RABGAP1L: variants seen among roughly 807,000 people sequenced by gnomAD.
RABGAP1L encodes rab GTPase-activating protein 1-like.
RABGAP1L carries 63 observed loss-of-function variants against 137.7 expected under a neutral mutation model. The ratio of observed to expected loss-of-function variants is 0.46; its 90% CI spans 0.37 to 0.56. The LOEUF is 0.56. Ranked by LOEUF, RABGAP1L falls within the 20% of genes least tolerant of loss-of-function variation. RABGAP1L has a pLI of 0.00. For synonymous variants in RABGAP1L, 431 were observed against 433.7 expected, an observed-to-expected ratio of 0.99 and a Z score of 0.08; for missense variants, 1,095 against 1,244.0, an observed-to-expected ratio of 0.88 and a Z score of 1.80.
chr1:174,910,987 A>T (rs549812785), intron 19 of RABGAP1L, among the ~76,000 whole-genome samples: 4 of 152,136 alleles, frequency 2.6e-5, no homozygotes. Context: ...GATTCTAGCC[A>T]TCCTAGTTTG....
intron 18 of RABGAP1L, among the ~76,000 whole-genome samples, chr1:174,756,648 A>G (rs1041486605): frequency 4.6e-5 from 7 of 152,100 alleles, no homozygotes; most frequent in Non-Finnish European, 1.0e-4. Context: ...GTAGCAGGGG[A>G]AAAAGGAAGG....
chr1:174,920,682 C>T (rs1396046368), intron 19 of RABGAP1L, among the ~76,000 whole-genome samples: 1 of 151,992 alleles, frequency 6.6e-6, no homozygotes, highest in Admixed American at 6.6e-5. Flanking sequence ...AAAAGGAGGT[C>T]ATTGGGGAAG....
At chr1:174,384,475 G>A (rs1318039784) in intron 12 of RABGAP1L, among the ~76,000 whole-genome samples, 3 of 151,498 alleles carry the variant, frequency 2.0e-5, no homozygotes, top group Non-Finnish European at 4.4e-5. Flanking sequence ...TTTAACTGCA[G>A]TAGGTGCTGA....
At chr1:174,420,891 G>T (rs1356615122) in intron 13 of RABGAP1L, among the ~76,000 whole-genome samples, 2 of 152,010 alleles carry the variant, frequency 1.3e-5, no homozygotes, top group Admixed American at 6.6e-5. Context: ...TCGCCAGGAT[G>T]GTCTCGATCT....
intron 12 of RABGAP1L, among the ~76,000 whole-genome samples, chr1:174,384,164 C>T (rs1207531343): frequency 6.6e-6 from 1 of 152,114 alleles, no homozygotes; most frequent in Non-Finnish European, 1.5e-5. Context: ...GTGACCTATG[C>T]CAAAGTCAAG....
chr1:174,409,508 A>G (rs1389464527), intron 13 of RABGAP1L, among the ~76,000 whole-genome samples: 2 of 152,260 alleles, frequency 1.3e-5, no homozygotes, highest in African/African-American at 4.8e-5. Context: ...GAACAGAATA[A>G]CACGATTTTC....
At chr1:174,977,043 T>G (rs1371215298) in intron 22 of RABGAP1L, among the ~76,000 whole-genome samples, 1 of 152,212 alleles carries the variant, frequency 6.6e-6, no homozygotes, top group Non-Finnish European at 1.5e-5. Context: ...TCTCAAATCG[T>G]GATTAGCTTA....
At chr1:174,241,066 A>G (rs1671774850) in intron 4 of RABGAP1L, among the ~76,000 whole-genome samples, 1 of 152,142 alleles carries the variant, frequency 6.6e-6, no homozygotes, top group African/African-American at 2.4e-5. Context: ...CACGCCTGTA[A>G]TCCTAGCACT....
At chr1:174,463,361 AG>A (rs1338700396) in intron 13 of RABGAP1L, among the ~76,000 whole-genome samples, 1 of 152,168 alleles carries the variant, frequency 6.6e-6, no homozygotes, top group Non-Finnish European at 1.5e-5. Flanking sequence ...TGTCCTTTAT[AG>A]GGACATGGAT....
chr1:174,379,787 C>G (rs1685945040), intron 12 of RABGAP1L, among the ~76,000 whole-genome samples: 1 of 57,986 alleles, frequency 1.7e-5, no homozygotes, highest in African/African-American at 7.8e-5. Flanking sequence ...ATTTCCTTCT[C>G]CTGCCTAATT....
intron 19 of RABGAP1L, among the ~76,000 whole-genome samples, chr1:174,835,573 C>A (rs1490868573): frequency 6.6e-6 from 1 of 152,110 alleles, no homozygotes; most frequent in Middle Eastern, 3.2e-3. Flanking sequence ...CAGAGATTGG[C>A]TAACTGTTCA....
chr1:174,640,489 TTTAAAGGTAGTCTAAGGC>T (rs1674442882), intron 14 of RABGAP1L, among the ~76,000 whole-genome samples: 1 of 152,048 alleles, frequency 6.6e-6, no homozygotes, highest in East Asian at 1.9e-4. Context: ...AGTCTAACCA[TTTAAAGGTAGTCTAAGGC>T]TTAAAGGTAG....
chr1:174,454,404 C>A (rs1329132870), intron 13 of RABGAP1L, among the ~76,000 whole-genome samples: 1 of 152,070 alleles, frequency 6.6e-6, no homozygotes, highest in African/African-American at 2.4e-5. Flanking sequence ...TTTCTGAGTT[C>A]TGTAATTTTT....
At chr1:174,957,690 T>TACA (rs1290543400) in intron 20 of RABGAP1L, 141 bp downstream of exon 20, 1 of 944,606 alleles carries the variant, frequency 1.1e-6, no homozygotes, top group Admixed American at 2.1e-5. Flanking sequence ...TAGCTGGGAT[T>TACA]ACAGGCACGA....
chr1:174,349,072 C>A (rs1401410570), intron 11 of RABGAP1L, among the ~76,000 whole-genome samples: 1 of 149,834 alleles, frequency 6.7e-6, no homozygotes, highest in Non-Finnish European at 1.5e-5. Context: ...CCCCCACCTC[C>A]CTCCAAGACG....
intron 11 of RABGAP1L, among the ~76,000 whole-genome samples, chr1:174,366,368 C>T (rs1276418939): frequency 6.6e-6 from 1 of 152,108 alleles, no homozygotes; most frequent in African/African-American, 2.4e-5. Context: ...TACATTGGAC[C>T]TTCTCCTCCA....
intron 11 of RABGAP1L, among the ~76,000 whole-genome samples, chr1:174,309,127 T>C (rs1325421004): frequency 6.6e-6 from 1 of 152,076 alleles, no homozygotes; most frequent in East Asian, 1.9e-4. Context: ...TTATCTTTTG[T>C]AGCTAATGGG....
At chr1:174,249,112 C>CA (rs1672500766) in intron 5 of RABGAP1L, among the ~76,000 whole-genome samples, 1 of 151,952 alleles carries the variant, frequency 6.6e-6, no homozygotes, top group Admixed American at 6.6e-5. Flanking sequence ...GCTATACACA[C>CA]AAATACACAC....
At chr1:174,527,484 G>A (rs979084507) in intron 13 of RABGAP1L, among the ~76,000 whole-genome samples, 2 of 152,130 alleles carry the variant, frequency 1.3e-5, no homozygotes, top group Non-Finnish European at 2.9e-5. Context: ...GGGATTACAG[G>A]CGTGAGCTAC....
Sources: gnomAD v4.1 joint callset for allele counts (sites outside exome capture counted in the v4.1 genomes callset) on GRCh38, gnomAD v4.1.1 for gene constraint, MANE v1.5 for transcripts, NCBI Gene and HGNC (gene_info 2026-07-23, HGNC 2026-07-21) for gene names.